Variants in ALK observed in about 807,000 individuals in gnomAD.
ALK encodes the protein ALK tyrosine kinase receptor.
In ALK, 74 loss-of-function variants were observed where a neutral mutation model predicts 163.1. The observed-to-expected ratio is 0.45, with a 90% CI of 0.38 to 0.55. The LOEUF is 0.55. Ranked by LOEUF, ALK falls within the 20% of genes least tolerant of loss-of-function variation. The pLI is 0.00. For synonymous variants in ALK, 960 were observed against 843.2 expected, an observed-to-expected ratio of 1.14 and a Z score of -2.40; for missense variants, 2,063 against 2,105.3, an observed-to-expected ratio of 0.98 and a Z score of 0.39.
chr2:29,457,140 C>T (rs1670976092), intron 4 of ALK, among the ~76,000 whole-genome samples: 1 of 152,068 alleles, frequency 6.6e-6, no homozygotes, highest in African/African-American at 2.4e-5. Context: ...GGGAGATGTA[C>T]CTCTCTGGGT....
At chr2:29,586,813 C>A (rs888923845) in intron 3 of ALK, among the ~76,000 whole-genome samples, 1 of 152,172 alleles carries the variant, frequency 6.6e-6, no homozygotes, top group Admixed American at 6.5e-5. Context: ...AGATATATCC[C>A]TTTTCTTTCT....
chr2:29,201,891 T>C (rs1411276217), intron 26 of ALK, among the ~76,000 whole-genome samples: 1 of 152,182 alleles, frequency 6.6e-6, no homozygotes, highest in Non-Finnish European at 1.5e-5. Flanking sequence ...CAGGATTTTC[T>C]TAACTGGTTT....
At position 29,406,657 on chromosome 2, in the gene ALK, T is replaced by G. The variant is rs142812519; in HGVS notation, c.1155-22798A>C. Among the ~76,000 whole-genome samples, 426 of 152,154 alleles carry G rather than the reference T, an allele frequency of 2.8e-3. 2 individuals carry two copies. Among genetic ancestry groups the G allele is most frequent in the African/African-American group, 9.3e-3 (384 of 41,500 alleles). ...TGGATCACGCCTGTAATTCCAGCAC[T>G]TTGGGAGGCCGAGGTGGGCCAATCA... On this transcript the variant is annotated intron_variant, in intron 4 of 28. Transcript: ENST00000389048.
intron 3 of ALK, among the ~76,000 whole-genome samples, chr2:29,649,285 A>G (rs1676973963): frequency 6.6e-6 from 1 of 151,454 alleles, no homozygotes; most frequent in Non-Finnish European, 1.5e-5. Context: ...TGTGTGTTTC[A>G]TATTTATTCC....
At chr2:29,366,329 T>C (rs556786770) in intron 5 of ALK, among the ~76,000 whole-genome samples, 1 of 151,548 alleles carries the variant, frequency 6.6e-6, no homozygotes, top group South Asian at 2.1e-4. Context: ...ACCAGAAAGG[T>C]TGAGGGAGCT....
chr2:29,212,390 T>TA (rs1273388720), intron 24 of ALK, among the ~76,000 whole-genome samples: 4 of 151,850 alleles, frequency 2.6e-5, no homozygotes, highest in South Asian at 2.1e-4. Flanking sequence ...AAAACTACCT[T>TA]AAAAAAAAGA....
At chr2:29,217,835 G>C (rs1052666097) in intron 23 of ALK, among the ~76,000 whole-genome samples, 2 of 152,004 alleles carry the variant, frequency 1.3e-5, no homozygotes, top group Non-Finnish European at 2.9e-5. Context: ...TGAAGTCCAA[G>C]TTTCAGAATC....
In ALK at chr2:29,728,017, C is replaced by T. The variant is rs187252809; in HGVS notation, c.668-10320G>A. ...TCTTCTGTGCCCCCATTCTATGCCT[C>T]ACCCACCACAGGAGAAGGTAGCAAA... On this transcript the variant is annotated intron_variant, in intron 1 of 28. Coordinates refer to ENST00000389048, the MANE Select transcript of ALK (RefSeq NM_004304.5). Among the ~76,000 whole-genome samples the T allele has an allele frequency of 1.7e-3, 257 of 152,290 alleles. 1 individual carries two copies. The highest frequency in any genetic ancestry group is 0.01 in the Middle Eastern group (3 of 294).
intron 12 of ALK, among the ~76,000 whole-genome samples, chr2:29,241,281 T>A (rs1664516237): frequency 6.6e-6 from 1 of 151,964 alleles, no homozygotes; most frequent in Non-Finnish European, 1.5e-5. Flanking sequence ...CAAAGTGGAG[T>A]GCTCCCGGGC....
intron 3 of ALK, among the ~76,000 whole-genome samples, chr2:29,616,120 T>C (rs980504935): frequency 6.6e-6 from 1 of 152,202 alleles, no homozygotes; most frequent in Non-Finnish European, 1.5e-5. Flanking sequence ...CAGCCAGGCA[T>C]ATTATGTCAC....
In ALK at chr2:29,410,194, C is replaced by A. The variant is rs116725650; in HGVS notation, c.1155-26335G>T. 6.7e-3 allele frequency among the ~76,000 whole-genome samples: 1,026 copies of A among 152,288 alleles called. 12 individuals are homozygous for A. The highest frequency in any genetic ancestry group is 0.023 in the African/African-American group (957 of 41,552). The stretch of plus-strand genomic sequence containing the variant: ...GACCCCCAAATCACTAAGGAAAGCT[C>A]AAGCTGGAAGCTGCTTAGGGCAACC... On this transcript the variant is annotated intron_variant, in intron 4 of 28. Transcript: ENST00000389048.
rs1312317840 is a variant in ALK, at chr2:29,200,800, T to TGTTTAC, written c.3939-3125_3939-3124insGTAAAC. On this transcript the variant is annotated intron_variant, in intron 26 of 28. Coordinates refer to ENST00000389048, the MANE Select transcript of ALK (RefSeq NM_004304.5). The stretch of plus-strand genomic sequence containing the variant: ...ATATATATGTATATACATGTATACA[T>TGTTTAC]ATATATGTGTGTATATACATATATA... Among the ~76,000 whole-genome samples the TGTTTAC allele has an allele frequency of 1.3e-3, 135 of 102,070 alleles. 1 individual carries two copies. In the East Asian group the frequency reaches 0.023, roughly 17 times the overall value. The allele number at this position is 102,070 out of a possible 152,430, so 67.0% of individuals were successfully genotyped here. A position where few individuals can be genotyped will look rare whatever the true frequency, so the allele number is the denominator to read the frequency against.
chr2:29,613,057 G>A (rs1402106359), intron 3 of ALK, among the ~76,000 whole-genome samples: 2 of 152,142 alleles, frequency 1.3e-5, no homozygotes, highest in African/African-American at 4.8e-5. Flanking sequence ...TTTTGTCAGA[G>A]AGGAAAAATG....
chr2:29,595,903 T>G (rs1675201293), intron 3 of ALK, among the ~76,000 whole-genome samples: 1 of 152,134 alleles, frequency 6.6e-6, no homozygotes, highest in Non-Finnish European at 1.5e-5. Flanking sequence ...CCCTGGACAC[T>G]GATAGGAATG....
chr2:29,760,701 A>G (rs1334417022), intron 1 of ALK, among the ~76,000 whole-genome samples: 1 of 152,208 alleles, frequency 6.6e-6, no homozygotes, highest in African/African-American at 2.4e-5. Flanking sequence ...CAAAGGGCTT[A>G]CAGACATTAT....
intron 1 of ALK, chr2:29,890,499 CT>C (rs1462489492): frequency 6.6e-6 from 1 of 152,216 alleles, no homozygotes; most frequent in Non-Finnish European, 1.5e-5. Context: ...ACAGGATTGC[CT>C]TTTCAGGCAG....
At chr2:29,816,980 G>A (rs1249337849) in intron 1 of ALK, among the ~76,000 whole-genome samples, 1 of 152,196 alleles carries the variant, frequency 6.6e-6, no homozygotes, top group African/African-American at 2.4e-5. Context: ...TTTGGGTCCT[G>A]TTTTAAGTGC....
At position 29,531,999 on chromosome 2, in the gene ALK, G is replaced by A; in HGVS notation, c.1070C>T (p.Pro357Leu). Residue 357 changes from proline (P) to leucine (L), a missense_variant, in exon 4 of 29, where the codon CCC becomes CTC. By Grantham distance (98) the Pro-to-Leu change is moderately conservative (BLOSUM62 -3). Transcript: ENST00000389048. ...CAGCTGGGCAATGTACCTTCCAGAG[G>A]GCTGCAGGTGCCTGTGCACCGAGAC... ...LAVSVHRHLQ[P>L]SGRYIAQLLP... The A allele has an allele frequency of 1.2e-6, 2 of 1,614,144 alleles. No individual in the cohort carries two copies. Among genetic ancestry groups the A allele is most frequent in the South Asian group, 1.1e-5 (1 of 91,072 alleles).
intron 4 of ALK, among the ~76,000 whole-genome samples, chr2:29,467,993 T>C (rs1671253767): frequency 6.6e-6 from 1 of 152,176 alleles, no homozygotes; most frequent in Non-Finnish European, 1.5e-5. Context: ...AGAATCGATA[T>C]ATATAACTCA....
Sources: gnomAD v4.1 joint callset for allele counts (sites outside exome capture counted in the v4.1 genomes callset) on GRCh38, gnomAD v4.1.1 for gene constraint, MANE v1.5 for transcripts, NCBI Gene and HGNC (gene_info 2026-07-23, HGNC 2026-07-21) for gene names.